The following LETM2 variants were observed in gnomAD, a reference collection of about 807,000 sequenced individuals.
The protein encoded by LETM2 is LETM1 domain-containing protein LETM2, mitochondrial.
Under a neutral mutation model 59.6 loss-of-function variants are expected in LETM2, and 58 were observed. The ratio of observed to expected loss-of-function variants is 0.97; its 90% CI spans 0.79 to 1.21. LETM2 has a LOEUF of 1.21. LETM2 is among the 50% of genes most tolerant of loss of function. The pLI, the probability that LETM2 is intolerant of heterozygous loss-of-function variation, is 0.00. For synonymous variants in LETM2, 199 were observed against 214.1 expected (o/e 0.93, Z 0.62); for missense variants, 572 against 575.7 (o/e 0.99, Z 0.07).
chr8:38,402,949 T>TGC (rs554319643), intron 7 of LETM2, among the ~76,000 whole-genome samples: 49 of 152,172 alleles, frequency 3.2e-4, no homozygotes, highest in Admixed American at 3.9e-4. Flanking sequence ...GGAAACGACC[T>TGC]GCTTCCAAGT....
At chr8:38,386,414 G>A (rs1811777427), upstream of LETM2, 1 of 152,262 alleles carries the variant, frequency 6.6e-6, no homozygotes. Flanking sequence ...GAACTTGAGA[G>A]CTTATTGGTT....
chr8:38,387,021 T>C (rs529921170), intron 1 of LETM2: 1 of 152,346 alleles, frequency 6.6e-6, no homozygotes, highest in African/African-American at 2.4e-5. Flanking sequence ...TTTGCTCCCG[T>C]GTGGTGATGG....
At position 38,392,908 on chromosome 8, in the gene LETM2, C is replaced by T; in HGVS notation, c.414C>T (p.Tyr138=). Residue 138 remains tyrosine, a synonymous_variant, in exon 3 of 11, where the codon TAC becomes TAT. Coordinates refer to ENST00000379957, the MANE Select transcript of LETM2 (RefSeq NM_001286819.2). ...TAAAATATTATTACAATGGATTCTA[C>T]TTACTTTGGATTGACGCCAAAGTTG... ...DELKYYYNGF[Y]LLWIDAKVAA... is the part of the protein sequence containing the mutation. 1 of 1,613,608 alleles carries T rather than the reference C, an allele frequency of 6.2e-7. No homozygotes were observed. Among genetic ancestry groups the T allele is most frequent in the Non-Finnish European group, 8.5e-7 (1 of 1,180,018 alleles).
In LETM2 at chr8:38,401,042, G is replaced by A; in HGVS notation, c.973G>A (p.Ala325Thr). The A allele has an allele frequency of 6.2e-7, 1 of 1,613,420 alleles. No homozygotes were observed. Among genetic ancestry groups the A allele is most frequent in the Non-Finnish European group, 8.5e-7 (1 of 1,179,678 alleles). Residue 325 changes from alanine to threonine, a missense_variant, in exon 6 of 11, where the codon GCA becomes ACA. Transcript: ENST00000379957. ...QLLMKLKSIKADDEIIAKEGV... is the reference protein window; with the variant it reads ...QLLMKLKSIKTDDEIIAKEGV... ...CCTGATGAAACTGAAGTCTATAAAA[G>A]CAGATGATGAAGTAAGAGCTTAACC...
Position 38,401,062 on chromosome 8 carries a change from T to G in LETM2, c.984+9T>G. 6.2e-7 allele frequency: 1 copy of G among 1,608,606 alleles called. No homozygotes were observed. The highest frequency in any genetic ancestry group is 1.1e-5 in the South Asian group (1 of 90,946). The stretch of plus-strand genomic sequence containing the variant: ...TAAAAGCAGATGATGAAGTAAGAGC[T>G]TAACCATAGCTCTAGGGAATTAGCA... On this transcript the variant is annotated intron_variant, in intron 6 of 10. Coordinates refer to ENST00000379957, the MANE Select transcript of LETM2 (RefSeq NM_001286819.2).
Position 38,408,198 on chromosome 8 carries a change from T to A in LETM2, c.1414-14T>A. 1 of 1,610,028 alleles carries A rather than the reference T, an allele frequency of 6.2e-7. No individual in the cohort carries two copies. Among genetic ancestry groups the A allele is most frequent in the Non-Finnish European group, 8.5e-7 (1 of 1,177,818 alleles). ...CTGTGACTAATGCCTACAGTCCTTG[T>A]TTTTTACGCCTAGACACTCCAGGCC... On this transcript the variant is annotated splice_polypyrimidine_tract_variant and intron_variant, in intron 10 of 10. Transcript: ENST00000379957.
In LETM2 at chr8:38,404,491, A is replaced by G. The variant is rs1042847605; in HGVS notation, c.1203A>G (p.Ile401Met). The change falls in exon 8 of 11, where the codon ATA becomes ATG. Residue 401 changes from isoleucine to methionine, a missense_variant. Ile to Met is a conservative substitution (Grantham distance 10). Transcript: ENST00000379957. ...ATGTGAAGCCCAAGCCGATTGAGAT[A>G]CCACTCAGTGGGGAGGTGAGTACCT... ...LIDVKPKPIE[I>M]PLSGEAPKTD... 2 of 1,612,778 alleles carry G rather than the reference A, an allele frequency of 1.2e-6. No individual in the cohort carries two copies. The highest frequency in any genetic ancestry group is 2.2e-5 in the East Asian group (1 of 44,884).
intron 3 of LETM2, 97 bp downstream of exon 3, chr8:38,393,092 A>T: frequency 9.2e-7 from 1 of 1,085,332 alleles, no homozygotes. Flanking sequence ...CATCTTAAAA[A>T]TCCCAGAGTA....
intron 2 of LETM2, among the ~76,000 whole-genome samples, chr8:38,391,450 G>A (rs539818334): frequency 1.0e-4 from 15 of 147,458 alleles, no homozygotes; most frequent in African/African-American, 3.0e-4. Flanking sequence ...CTACAGGCAC[G>A]TGCCACCACG....
At chr8:38,391,277 T>C (rs1001117987) in intron 2 of LETM2, among the ~76,000 whole-genome samples, 5 of 147,518 alleles carry the variant, frequency 3.4e-5, no homozygotes, top group Non-Finnish European at 6.0e-5. Context: ...GTATCTGTCA[T>C]ATTTTTATTT....
intron 4 of LETM2, among the ~76,000 whole-genome samples, chr8:38,394,845 CAAAAAAAAAA>C (rs34403974): frequency 1.2e-5 from 1 of 84,510 alleles, no homozygotes; most frequent in African/African-American, 4.9e-5. Context: ...GACCCTGTCT[CAAAAAAAAAA>C]AAAAAAAAAA....
rs530287834 is a variant in LETM2 at position 38,404,957 on chromosome 8, T to C, written c.1218+451T>C. ...CGCCATTGCACTGCAGCCTGGGCAA[T>C]AGAACTAGACTCCGTCTCAAACAAA... On this transcript the variant is annotated intron_variant, in intron 8 of 10. Transcript: ENST00000379957. The C allele has an allele frequency of 8.3e-5, 13 of 157,038 alleles. 1 individual carries two copies. The South Asian group carries it at 1.6e-3, about 19-fold the overall frequency. 9.7% of individuals were successfully genotyped at this position (157,038 alleles called of 1,614,324 possible).
intron 4 of LETM2, chr8:38,397,251 A>C (rs1812762982): frequency 2.4e-6 from 1 of 422,114 alleles, no homozygotes; most frequent in Non-Finnish European, 4.7e-6. Flanking sequence ...ATCTTGGCTC[A>C]CTGCAACCTC....
intron 4 of LETM2, among the ~76,000 whole-genome samples, chr8:38,397,873 C>T (rs1355056015): frequency 6.6e-6 from 1 of 152,158 alleles, no homozygotes; most frequent in African/African-American, 2.4e-5. Context: ...GGCGTGGTGG[C>T]TCATGCCTGT....
chr8:38,397,109 A>G (rs1216323429), intron 4 of LETM2: 4 of 456,060 alleles, frequency 8.8e-6, no homozygotes, highest in South Asian at 3.1e-5. Flanking sequence ...GTGCCACTCT[A>G]CTAGACAGCG....
chr8:38,399,752 T>C (rs1450754215), intron 4 of LETM2, among the ~76,000 whole-genome samples: 1 of 138,008 alleles, frequency 7.2e-6, no homozygotes, highest in Non-Finnish European at 1.5e-5. Context: ...CACTCCAGCC[T>C]GGGTGACAGA....
upstream of LETM2, among the ~76,000 whole-genome samples, chr8:38,385,863 G>A (rs1201020132): frequency 6.6e-6 from 1 of 152,208 alleles, no homozygotes; most frequent in East Asian, 1.9e-4. Flanking sequence ...TCATTTCACA[G>A]CTACTATAAC....
chr8:38,404,002 T>A (rs931230929), intron 7 of LETM2, among the ~76,000 whole-genome samples: 1 of 152,174 alleles, frequency 6.6e-6, no homozygotes, highest in African/African-American at 2.4e-5. Context: ...ACCACAGGCA[T>A]GTACCACCAT....
At chr8:38,403,961 C>A (rs577032711) in intron 7 of LETM2, among the ~76,000 whole-genome samples, 1 of 152,154 alleles carries the variant, frequency 6.6e-6, no homozygotes, top group Non-Finnish European at 1.5e-5. Context: ...CGGGCTCAAG[C>A]GATCCTCCCA....
Sources: gnomAD v4.1 joint callset for allele counts (sites outside exome capture counted in the v4.1 genomes callset) on GRCh38, gnomAD v4.1.1 for gene constraint, MANE v1.5 for transcripts, NCBI Gene and HGNC (gene_info 2026-07-23, HGNC 2026-07-21) for gene names.